Variants in AAK1 observed in about 807,000 individuals in gnomAD.
The protein encoded by AAK1 is AP2 associated kinase 1.
In AAK1, 37 loss-of-function variants were observed where a neutral mutation model predicts 116.0. The observed-to-expected ratio is 0.32, with a 90% CI of 0.25 to 0.42. AAK1 has a LOEUF of 0.42. Among genes scored for constraint, AAK1 ranks in the 10% least tolerant of loss-of-function variants. The pLI, the probability that AAK1 is intolerant of heterozygous loss-of-function variation, is 1.00. For missense variants in AAK1, 919 were observed against 1,170.6 expected (o/e 0.79, Z 3.14); for synonymous variants, 458 against 439.9 (o/e 1.04, Z -0.51).
chr2:69,587,065 T>G (rs971740302), intron 2 of AAK1, among the ~76,000 whole-genome samples: 4 of 151,938 alleles, frequency 2.6e-5, no homozygotes, highest in African/African-American at 9.7e-5. Context: ...CAAACCTGCC[T>G]CATTTCTTTT....
At chr2:69,496,468 T>C (rs900836209) in intron 16 of AAK1, among the ~76,000 whole-genome samples, 4 of 152,122 alleles carry the variant, frequency 2.6e-5, no homozygotes, top group African/African-American at 9.7e-5. Context: ...TTCACCATGT[T>C]GGTCAGGCTA....
intron 2 of AAK1, among the ~76,000 whole-genome samples, chr2:69,559,978 A>T (rs553280886): frequency 1.6e-4 from 25 of 152,326 alleles, no homozygotes; most frequent in African/African-American, 5.1e-4. Context: ...CAGTAAGCAC[A>T]ATGGCTGACA....
At chr2:69,640,079 T>TCTC (rs746154277) in intron 2 of AAK1, among the ~76,000 whole-genome samples, 79 of 136,348 alleles carry the variant, frequency 5.8e-4, no homozygotes, top group East Asian at 3.7e-3. Context: ...TCTCTCTCTC[T>TCTC]CCCCCCCCAC....
At chr2:69,627,370 C>T (rs918073636) in intron 2 of AAK1, among the ~76,000 whole-genome samples, 18 of 151,052 alleles carry the variant, frequency 1.2e-4, no homozygotes, top group African/African-American at 4.4e-4. Flanking sequence ...AAATAATAAG[C>T]AAGAAAATCT....
intron 5 of AAK1, among the ~76,000 whole-genome samples, chr2:69,536,951 T>C (rs6743528): frequency 0.039 from 6,014 of 152,336 alleles, 280 homozygotes; most frequent in African/African-American, 0.11. Context: ...ATGACTCTTT[T>C]GACATGAATG....
chr2:69,502,545 T>C (rs2104951222), intron 16 of AAK1, among the ~76,000 whole-genome samples: 1 of 152,166 alleles, frequency 6.6e-6, no homozygotes, highest in East Asian at 1.9e-4. Context: ...CGCTTGAACC[T>C]GGGAGGCAGA....
intron 2 of AAK1, among the ~76,000 whole-genome samples, chr2:69,607,027 T>C (rs941187891): frequency 2.1e-5 from 3 of 141,920 alleles, no homozygotes; most frequent in East Asian, 2.0e-4. Flanking sequence ...GATCACACAA[T>C]TGCACTCCAG....
At chr2:69,541,664 C>T (rs992094480) in intron 5 of AAK1, among the ~76,000 whole-genome samples, 3 of 152,068 alleles carry the variant, frequency 2.0e-5, no homozygotes, top group African/African-American at 4.8e-5. Flanking sequence ...ACAAAAACCA[C>T]CCAGTGTTCT....
In AAK1 at chr2:69,519,219, A is replaced by G; in HGVS notation, c.1232T>C (p.Leu411Pro). 6.3e-7 allele frequency: 1 copy of G among 1,584,602 alleles called. No individual in the cohort carries two copies. Among genetic ancestry groups the G allele is most frequent in the Non-Finnish European group, 8.6e-7 (1 of 1,165,194 alleles). The change falls in exon 12 of 22, where the codon CTT (leucine) becomes CCT (proline). Residue 411 changes from leucine (L) to proline (P), a missense_variant. Transcript: ENST00000409085. ...TTTTGGTTGGGGAACACTGGCTAAA[A>G]GGCCAGGCTGATTGCTGGATCCTGC... The part of the protein sequence containing the change: ...QAAGSSNQPG[L>P]LASVPQPKPQ...
chr2:69,578,578 T>C (rs543826980), intron 2 of AAK1, among the ~76,000 whole-genome samples: 1 of 152,198 alleles, frequency 6.6e-6, no homozygotes, highest in Admixed American at 6.5e-5. Context: ...CACCCCAATC[T>C]ACCAACACTC....
At chr2:69,530,573 C>T in intron 7 of AAK1, 52 bp downstream of exon 7, 5 of 1,477,802 alleles carry the variant, frequency 3.4e-6, no homozygotes, top group Non-Finnish European at 3.8e-6. Flanking sequence ...CTTGGGAATT[C>T]ACAGTCAAGA....
In AAK1 at chr2:69,469,645, G is replaced by GC; in HGVS notation, c.*6223dup. ...TGCCTGTTGTACCTCAGGGGCTAAA[G>GC]CCCAGGGCCTGGCTTCATAGTCTGC... On this transcript the variant is annotated 3_prime_UTR_variant, in exon 22 of 22. Coordinates refer to ENST00000409085, the MANE Select transcript of AAK1 (RefSeq NM_014911.5). The GC allele has an allele frequency of 1.0e-6, 1 of 985,466 alleles. No individual in the cohort carries two copies. Among genetic ancestry groups the GC allele is most frequent in the Non-Finnish European group, 1.2e-6 (1 of 829,954 alleles). 61.0% of individuals were successfully genotyped at this position (985,466 alleles called of 1,614,324 possible). A position where few individuals can be genotyped will look rare whatever the true frequency, so the allele number is the denominator to read the frequency against.
At chr2:69,554,368 A>C (rs1671306457) in intron 3 of AAK1, among the ~76,000 whole-genome samples, 1 of 152,244 alleles carries the variant, frequency 6.6e-6, no homozygotes, top group African/African-American at 2.4e-5. Context: ...AGTACAAAGA[A>C]AACTCAGACC....
At chr2:69,476,811 A>T in intron 21 of AAK1, 69 bp downstream of exon 21, 1 of 1,076,694 alleles carries the variant, frequency 9.3e-7, no homozygotes. Flanking sequence ...CCCCTTGCAG[A>T]TTAGGTGCAT....
intron 15 of AAK1, among the ~76,000 whole-genome samples, chr2:69,506,397 T>A (rs1008064201): frequency 4.6e-5 from 7 of 152,182 alleles, no homozygotes; most frequent in African/African-American, 1.7e-4. Context: ...AGGGTCTCAC[T>A]CTGTCACCCA....
At chr2:69,545,195 TG>T (rs1558949981) in intron 3 of AAK1, among the ~76,000 whole-genome samples, 1 of 152,178 alleles carries the variant, frequency 6.6e-6, no homozygotes, top group African/African-American at 2.4e-5. Flanking sequence ...GCTGCTTGGA[TG>T]AATTCATTCA....
chr2:69,575,173 G>A (rs1476527774), intron 2 of AAK1, among the ~76,000 whole-genome samples: 1 of 151,724 alleles, frequency 6.6e-6, no homozygotes, highest in East Asian at 1.9e-4. Flanking sequence ...TTGGTTGTTT[G>A]TTTTTAGAAA....
chr2:69,499,213 C>T (rs1286996369), intron 16 of AAK1, among the ~76,000 whole-genome samples: 1 of 152,136 alleles, frequency 6.6e-6, no homozygotes, highest in Non-Finnish European at 1.5e-5. Flanking sequence ...ACTACTAACC[C>T]CACTGTTCTT....
rs913628685 is a variant in AAK1, at chr2:69,520,879, T to C, written c.1165A>G (p.Thr389Ala). Residue 389 changes from threonine (T) to alanine (A), a missense_variant, in exon 11 of 22, where the codon ACA becomes GCA. Coordinates refer to ENST00000409085, the MANE Select transcript of AAK1 (RefSeq NM_014911.5). ...TGAACAGTGGCCCTCTTCCGGGGTG[T>C]CAGCGCTGGCTGGATGGGAAGGATT... ...PGILPIQPALTPRKRATVQPP... is the reference protein window; with the variant it reads ...PGILPIQPALAPRKRATVQPP... The C allele has an allele frequency of 6.3e-7, 1 of 1,598,890 alleles. No homozygotes were observed. Among genetic ancestry groups the C allele is most frequent in the Non-Finnish European group, 8.5e-7 (1 of 1,173,362 alleles).
Sources: allele counts gnomAD v4.1 joint callset (sites outside exome capture counted in the v4.1 genomes callset), GRCh38; gene constraint gnomAD v4.1.1; transcripts MANE v1.5; gene names NCBI Gene and HGNC (gene_info 2026-07-23, HGNC 2026-07-21).